PARD3: variants seen among roughly 807,000 people sequenced by gnomAD.
The protein encoded by PARD3 is partitioning defective 3 homolog.
A neutral mutation model predicts 155.4 loss-of-function variants in PARD3; 75 were observed. The ratio of observed to expected loss-of-function variants is 0.48; its 90% CI spans 0.40 to 0.58. The LOEUF is 0.58. Among genes scored for constraint, PARD3 ranks in the 20% least tolerant of loss-of-function variants. The pLI is 0.00. For missense variants in PARD3, 1,642 were observed against 1,721.7 expected (o/e 0.95, Z 0.82); for synonymous variants, 576 against 610.5 (o/e 0.94, Z 0.83).
intron 5 of PARD3, among the ~76,000 whole-genome samples, chr10:34,443,010 A>C (rs2076547102): frequency 6.6e-6 from 1 of 152,032 alleles, no homozygotes; most frequent in South Asian, 2.1e-4. Flanking sequence ...GCTAGTAAGC[A>C]CTTGGGCAAG....
chr10:34,663,462 C>T (rs1015930478), intron 2 of PARD3, among the ~76,000 whole-genome samples: 4 of 151,956 alleles, frequency 2.6e-5, no homozygotes, highest in African/African-American at 4.8e-5. Flanking sequence ...CTTTGTAACA[C>T]GAAGGATAAA....
At chr10:34,338,468 G>T (rs1434858081) in intron 16 of PARD3, among the ~76,000 whole-genome samples, 2 of 152,140 alleles carry the variant, frequency 1.3e-5, no homozygotes, top group African/African-American at 2.4e-5. Context: ...TGCCTATCTG[G>T]CCAGGTGAGA....
intron 2 of PARD3, among the ~76,000 whole-genome samples, chr10:34,673,984 C>CAAA (rs200637507): frequency 0.28 from 32,087 of 115,830 alleles, 4,932 homozygotes; most frequent in Non-Finnish European, 0.37. Context: ...GAGTCTGCAT[C>CAAA]AAAAAAAAAA....
At chr10:34,677,808 C>T (rs1356731702) in intron 2 of PARD3, among the ~76,000 whole-genome samples, 1 of 152,078 alleles carries the variant, frequency 6.6e-6, no homozygotes, top group African/African-American at 2.4e-5. Flanking sequence ...CACCGGAGGG[C>T]ACACATAACC....
intron 7 of PARD3, among the ~76,000 whole-genome samples, chr10:34,386,805 C>T (rs1174530505): frequency 6.0e-5 from 7 of 117,580 alleles, no homozygotes; most frequent in Admixed American, 9.4e-5. Flanking sequence ...CTGGGCAACG[C>T]AAAACTCCGT....
chr10:34,685,903 T>A (rs2985303), intron 2 of PARD3, among the ~76,000 whole-genome samples: 45,252 of 151,924 alleles, frequency 0.3, 6,840 homozygotes, highest in South Asian at 0.38. Flanking sequence ...CTTTCTGCAA[T>A]CATTTTAAAA....
chr10:34,802,687 T>G (rs771989654), intron 1 of PARD3, among the ~76,000 whole-genome samples: 3 of 152,154 alleles, frequency 2.0e-5, no homozygotes, highest in Non-Finnish European at 4.4e-5. Context: ...GTTTCCTTGG[T>G]GACTTTTTTT....
chr10:34,450,539 G>T, intron 4 of PARD3, 91 bp from the exon 5 acceptor site: 1 of 1,180,088 alleles, frequency 8.5e-7, no homozygotes, highest in Non-Finnish European at 1.2e-6. Context: ...GCAGAAAAAT[G>T]ATTCTACATA....
chr10:34,399,825 T>C (rs1843707744), intron 6 of PARD3, among the ~76,000 whole-genome samples: 1 of 152,214 alleles, frequency 6.6e-6, no homozygotes. Flanking sequence ...TGAACAAAGA[T>C]GTTGCAGCTA....
At chr10:34,412,327 T>C (rs1845172842) in intron 5 of PARD3, among the ~76,000 whole-genome samples, 2 of 152,180 alleles carry the variant, frequency 1.3e-5, no homozygotes, top group African/African-American at 4.8e-5. Context: ...TTTCATTTTA[T>C]GTAAAATGAA....
At chr10:34,373,392 T>C (rs1838319354) in intron 11 of PARD3, among the ~76,000 whole-genome samples, 1 of 151,986 alleles carries the variant, frequency 6.6e-6, no homozygotes, top group African/African-American at 2.4e-5. Context: ...AAGCTGGCTA[T>C]ATGCTGGCAC....
At chr10:34,814,763 T>C in intron 1 of PARD3, 113 bp downstream of exon 1, 1 of 974,414 alleles carries the variant, frequency 1.0e-6, no homozygotes, top group Non-Finnish European at 1.4e-6. Context: ...CCGGCCGCAC[T>C]TTCCCTTTCC....
At chr10:34,640,735 A>AAAAAAAAAAAAAAAAAAAC (rs1396115260) in intron 2 of PARD3, among the ~76,000 whole-genome samples, 1 of 144,688 alleles carries the variant, frequency 6.9e-6, no homozygotes, top group African/African-American at 2.6e-5. Flanking sequence ...AAAAAAAAAA[A>AAAAAAAAAAAAAAAAAAAC]AGCACTTTTA....
intron 1 of PARD3, among the ~76,000 whole-genome samples, chr10:34,791,138 A>G (rs1479683701): frequency 6.6e-6 from 1 of 152,162 alleles, no homozygotes; most frequent in Admixed American, 6.5e-5. Flanking sequence ...AGCATTCAAA[A>G]CCTGGCTAGA....
chr10:34,717,940 G>A (rs924205209), intron 1 of PARD3, among the ~76,000 whole-genome samples: 2 of 151,816 alleles, frequency 1.3e-5, no homozygotes, highest in Admixed American at 6.6e-5. Context: ...GACTGTCTGA[G>A]CTCAGGAGTT....
intron 5 of PARD3, among the ~76,000 whole-genome samples, chr10:34,433,372 T>C (rs1477472346): frequency 1.3e-5 from 2 of 152,218 alleles, no homozygotes; most frequent in Non-Finnish European, 2.9e-5. Flanking sequence ...GAAAAACCTT[T>C]TAAAAATAAC....
chr10:34,517,497 T>G (rs908877907), intron 2 of PARD3, among the ~76,000 whole-genome samples: 1 of 152,174 alleles, frequency 6.6e-6, no homozygotes, highest in African/African-American at 2.4e-5. Flanking sequence ...AAAGTGTGTA[T>G]ATATATGAGT....
At chr10:34,153,167 C>T (rs763279229) in intron 22 of PARD3, among the ~76,000 whole-genome samples, 28 of 152,172 alleles carry the variant, frequency 1.8e-4, no homozygotes, top group Non-Finnish European at 3.5e-4. Flanking sequence ...TGAGTATACA[C>T]GGATGCAATC....
chr10:34,119,790 A>T, intron 23 of PARD3, 50 bp from the exon 24 acceptor site: 2 of 1,484,394 alleles, frequency 1.3e-6, no homozygotes, highest in Non-Finnish European at 1.8e-6. Context: ...TTCTGTACAG[A>T]TCACACAACT....
Sources: allele counts gnomAD v4.1 joint callset (sites outside exome capture counted in the v4.1 genomes callset), GRCh38; gene constraint gnomAD v4.1.1; transcripts MANE v1.5; gene names NCBI Gene and HGNC (gene_info 2026-07-23, HGNC 2026-07-21).